CACNA1D: variants seen among roughly 807,000 people sequenced by gnomAD.
CACNA1D encodes voltage-dependent L-type calcium channel subunit alpha-1D.
Under a neutral mutation model 257.1 loss-of-function variants are expected in CACNA1D, and 55 were observed. That is an observed-to-expected ratio of 0.21 (90% CI 0.17 to 0.27). The LOEUF is 0.27. Ranked by LOEUF, CACNA1D falls within the 10% of genes least tolerant of loss-of-function variation. The pLI is 1.00. For synonymous variants in CACNA1D, 980 were observed against 1,014.9 expected (o/e 0.97, Z 0.65); for missense variants, 1,876 against 2,784.0 (o/e 0.67, Z 7.34).
At chr3:53,805,275 C>T in intron 45 of CACNA1D, 129 bp downstream of exon 45, 4 of 835,058 alleles carry the variant, frequency 4.8e-6, no homozygotes, top group Admixed American at 1.9e-5. Context: ...CAAGACCAGC[C>T]CCCAGCCAGA....
At position 53,699,575 on chromosome 3, in the gene CACNA1D, G is replaced by A. The variant is rs145290842; in HGVS notation, c.1221-3066G>A. On this transcript the variant is annotated intron_variant, in intron 8 of 47. Transcript: ENST00000350061. ...CCCAGAGTGGTGTAGGAGGGCCAAGGATTTATCTGGGTTTATCACAGGGAC... is the reference window on the plus strand; with the variant it reads ...CCCAGAGTGGTGTAGGAGGGCCAAGAATTTATCTGGGTTTATCACAGGGAC... Among the ~76,000 whole-genome samples the A allele has an allele frequency of 1.6e-3, 248 of 152,308 alleles. 1 individual carries two copies. Among genetic ancestry groups the A allele is most frequent in the Middle Eastern group, 0.01 (3 of 294 alleles).
chr3:53,720,528 A>G (rs1236187609), intron 11 of CACNA1D, among the ~76,000 whole-genome samples: 3 of 152,250 alleles, frequency 2.0e-5, no homozygotes, highest in African/African-American at 7.2e-5. Flanking sequence ...GGTATCCCAT[A>G]TATATAAAGA....
chr3:53,531,681 T>A (rs545181087), intron 3 of CACNA1D, among the ~76,000 whole-genome samples: 5 of 152,342 alleles, frequency 3.3e-5, no homozygotes, highest in Admixed American at 1.3e-4. Context: ...ACACCCACTC[T>A]GTTTGAATTT....
At chr3:53,666,167 C>A (rs1324856089) in intron 6 of CACNA1D, among the ~76,000 whole-genome samples, 172 bp from the exon 7 acceptor site, 1 of 151,916 alleles carries the variant, frequency 6.6e-6, no homozygotes, top group Non-Finnish European at 1.5e-5. Context: ...ATGGCAGATT[C>A]CGCTAAGGAG....
rs1325822581 is a variant in CACNA1D at position 53,813,307 on chromosome 3, A to AAAC, written c.*1902_*1904dup. 6.6e-6 allele frequency: 1 copy of AAAC among 152,224 alleles called. No homozygotes were observed. The highest frequency in any genetic ancestry group is 1.5e-5 in the Non-Finnish European group (1 of 68,030). The allele number at this position is 152,224 out of a possible 1,614,324, so 9.4% of individuals were successfully genotyped here. A position where few individuals can be genotyped will look rare whatever the true frequency, so the allele number is the denominator to read the frequency against. On this transcript the variant is annotated 3_prime_UTR_variant, in exon 48 of 48. Coordinates refer to ENST00000350061, the MANE Select transcript of CACNA1D (RefSeq NM_001128840.3). ...AAAATGCAAAATGTTCTTCAGAATA[A>AAAC]AACTGTGTAATAATTTTTATACTTG...
intron 30 of CACNA1D, among the ~76,000 whole-genome samples, chr3:53,763,337 A>G (rs746981372): frequency 6.6e-6 from 1 of 152,100 alleles, no homozygotes; most frequent in Non-Finnish European, 1.5e-5. Context: ...CCCTAGAAGC[A>G]CTCTGAGCAC....
chr3:53,650,424 G>T (rs2094077564), intron 3 of CACNA1D, among the ~76,000 whole-genome samples: 1 of 152,194 alleles, frequency 6.6e-6, no homozygotes. Context: ...GGCCTGATTT[G>T]GCAACCTCAG....
chr3:53,598,114 GT>G (rs1274587155), intron 3 of CACNA1D, among the ~76,000 whole-genome samples: 4 of 152,158 alleles, frequency 2.6e-5, no homozygotes, highest in African/African-American at 9.7e-5. Context: ...TGGCTCATCA[GT>G]CAGATTCTGA....
At chr3:53,779,142 A>G (rs1162507747) in intron 37 of CACNA1D, among the ~76,000 whole-genome samples, 1 of 152,214 alleles carries the variant, frequency 6.6e-6, no homozygotes, top group African/African-American at 2.4e-5. Flanking sequence ...CTAAAAAAAC[A>G]TAACAAAACA....
intron 3 of CACNA1D, among the ~76,000 whole-genome samples, chr3:53,517,363 C>G (rs190707432): frequency 3.9e-4 from 59 of 152,280 alleles, no homozygotes; most frequent in Admixed American, 2.6e-3. Flanking sequence ...GTTGAAGTTG[C>G]AGAAGGAAGG....
intron 7 of CACNA1D, 144 bp from the exon 8 acceptor site, chr3:53,672,879 C>G: frequency 1.7e-6 from 1 of 594,184 alleles, no homozygotes; most frequent in East Asian, 3.2e-5. Flanking sequence ...CTGCTGTTGT[C>G]TCTGATTTGG....
At chr3:53,555,405 C>G (rs1372473898) in intron 3 of CACNA1D, among the ~76,000 whole-genome samples, 1 of 150,572 alleles carries the variant, frequency 6.6e-6, no homozygotes, top group Non-Finnish European at 1.5e-5. Flanking sequence ...TCTGCCCTTT[C>G]CCCTATTGCT....
chr3:53,536,572 A>C (rs1190227601), intron 3 of CACNA1D, among the ~76,000 whole-genome samples: 1 of 152,252 alleles, frequency 6.6e-6, no homozygotes, highest in East Asian at 1.9e-4. Flanking sequence ...CAGGAGTGGC[A>C]AACACGGCCC....
chr3:53,578,469 C>A (rs748681044), intron 3 of CACNA1D, among the ~76,000 whole-genome samples: 2 of 152,114 alleles, frequency 1.3e-5, no homozygotes, highest in Non-Finnish European at 2.9e-5. Context: ...GGAAGAACCC[C>A]ATCAAGTCAT....
chr3:53,563,788 C>G (rs971900590), intron 3 of CACNA1D, among the ~76,000 whole-genome samples: 9 of 152,156 alleles, frequency 5.9e-5, no homozygotes, highest in African/African-American at 2.2e-4. Flanking sequence ...TGTTGGTGGA[C>G]ATTTGTGATG....
At chr3:53,557,971 C>T (rs1043428038) in intron 3 of CACNA1D, among the ~76,000 whole-genome samples, 2 of 152,158 alleles carry the variant, frequency 1.3e-5, no homozygotes, top group African/African-American at 4.8e-5. Context: ...ATATTGTTTT[C>T]TAATTCCTGA....
intron 47 of CACNA1D, among the ~76,000 whole-genome samples, chr3:53,810,758 C>CAAAAAAAAAAAAAAAAAAAA (rs71074934): frequency 1.8e-3 from 122 of 68,286 alleles, no homozygotes; most frequent in Non-Finnish European, 2.4e-3. Flanking sequence ...ACTCTTGTCT[C>CAAAAAAAAAAAAAAAAAAAA]AAAAAAAAAA....
chr3:53,679,987 A>G (rs746687555), intron 8 of CACNA1D, among the ~76,000 whole-genome samples: 2 of 152,186 alleles, frequency 1.3e-5, no homozygotes, highest in Non-Finnish European at 2.9e-5. Flanking sequence ...AAACATTTAT[A>G]TATACTTTTG....
At chr3:53,715,678 G>A (rs566970454) in intron 9 of CACNA1D, among the ~76,000 whole-genome samples, 3 of 152,244 alleles carry the variant, frequency 2.0e-5, no homozygotes, top group South Asian at 2.1e-4. Context: ...GGTCACAAAC[G>A]CGGGGTTAAA....
Sources: allele counts gnomAD v4.1 joint callset (sites outside exome capture counted in the v4.1 genomes callset), GRCh38; gene constraint gnomAD v4.1.1; transcripts MANE v1.5; gene names NCBI Gene and HGNC (gene_info 2026-07-23, HGNC 2026-07-21).